Variants in USP10 observed in about 807,000 individuals in gnomAD.
The protein encoded by USP10 is ubiquitin carboxyl-terminal hydrolase 10.
Under a neutral mutation model 84.5 loss-of-function variants are expected in USP10, and 22 were observed. That is an observed-to-expected ratio of 0.26 (90% CI 0.19 to 0.37). USP10 has a LOEUF of 0.37. Among genes scored for constraint, USP10 ranks in the 10% least tolerant of loss-of-function variants. The probability of loss-of-function intolerance (pLI) is 1.00; values close to 1 mark genes in which losing one functional copy is unlikely to be tolerated. For synonymous variants in USP10, 454 were observed against 387.6 expected (o/e 1.17, Z -2.01); for missense variants, 1,019 against 998.9 (o/e 1.02, Z -0.27).
intron 1 of USP10, among the ~76,000 whole-genome samples, chr16:84,725,341 G>T (rs1423821775): frequency 1.3e-5 from 2 of 152,266 alleles, no homozygotes; most frequent in East Asian, 3.9e-4. Context: ...TGTTTTCAAA[G>T]TCATCCTGTT....
At chr16:84,705,808 C>T (rs1905420105) in intron 1 of USP10, among the ~76,000 whole-genome samples, 1 of 149,512 alleles carries the variant, frequency 6.7e-6, no homozygotes, top group African/African-American at 2.5e-5. Flanking sequence ...CAGCCTCTAC[C>T]TCCCAGATTC....
Position 84,743,763 on chromosome 16 carries a change from T to C in USP10, c.152-870T>C, listed in dbSNP as rs571590538. 1.5e-4 allele frequency among the ~76,000 whole-genome samples: 23 copies of C among 152,336 alleles called. No homozygotes were observed. In the South Asian group the frequency reaches 2.7e-3, roughly 18 times the overall value. ...GGTGTAAACTATAAAAATACGTCTG[T>C]CTTAGCAGGAATGAATTATGTGGAT... On this transcript the variant is annotated intron_variant, in intron 3 of 13. Transcript: ENST00000219473.
intron 3 of USP10, among the ~76,000 whole-genome samples, chr16:84,740,711 C>A (rs1910524618): frequency 6.6e-6 from 1 of 152,246 alleles, no homozygotes; most frequent in African/African-American, 2.4e-5. Context: ...AAGCAGCCTG[C>A]TGGCTCCAGC....
In USP10 at chr16:84,704,772, A is replaced by T. The variant is rs912991801; in HGVS notation, c.21+4661A>T. 23 of 1,535,116 alleles carry T rather than the reference A, an allele frequency of 1.5e-5. No homozygotes were observed. In the Admixed American group the frequency reaches 4.5e-4, roughly 30 times the overall value. ...GCCATGATCCCATTTTCATCAGATG[A>T]CTTGAGAACCCAGAAGCTCTACCAG... On this transcript the variant is annotated intron_variant, in intron 1 of 13. Coordinates refer to ENST00000219473, the MANE Select transcript of USP10 (RefSeq NM_005153.3).
chr16:84,741,099 A>G (rs1275266237), intron 3 of USP10, among the ~76,000 whole-genome samples: 3 of 152,226 alleles, frequency 2.0e-5, no homozygotes, highest in Non-Finnish European at 4.4e-5. Flanking sequence ...TTTGAGAGTT[A>G]GAGGTTTGGA....
At chr16:84,728,748 C>T (rs532608026) in intron 1 of USP10, among the ~76,000 whole-genome samples, 351 of 152,144 alleles carry the variant, frequency 2.3e-3, no homozygotes, top group African/African-American at 8.0e-3. Flanking sequence ...CAAAAATTAC[C>T]TTTTTTCCTC....
intron 1 of USP10, among the ~76,000 whole-genome samples, chr16:84,728,419 A>T (rs1046758580): frequency 6.6e-6 from 1 of 151,418 alleles, no homozygotes; most frequent in Non-Finnish European, 1.5e-5. Flanking sequence ...GGCTCACTGC[A>T]ACCTCTGCCT....
intron 2 of USP10, among the ~76,000 whole-genome samples, chr16:84,733,985 A>G (rs375223842): frequency 6.6e-6 from 1 of 152,236 alleles, no homozygotes; most frequent in Admixed American, 6.5e-5. Context: ...TCCAGTGCTC[A>G]GTACCACTGA....
chr16:84,742,312 G>A (rs1910716202), intron 3 of USP10, among the ~76,000 whole-genome samples: 1 of 152,184 alleles, frequency 6.6e-6, no homozygotes, highest in Non-Finnish European at 1.5e-5. Flanking sequence ...TCTGATAGAA[G>A]TTGATCACTG....
intron 1 of USP10, among the ~76,000 whole-genome samples, chr16:84,714,329 T>G (rs1906713247): frequency 6.6e-6 from 1 of 152,210 alleles, no homozygotes; most frequent in Non-Finnish European, 1.5e-5. Context: ...TCTTCCTCTT[T>G]TTTAGAGATG....
intron 4 of USP10, among the ~76,000 whole-genome samples, chr16:84,749,676 T>C (rs1911676445): frequency 6.6e-6 from 1 of 152,246 alleles, no homozygotes; most frequent in Admixed American, 6.5e-5. Flanking sequence ...CTATTTCCCC[T>C]ATTGTTAAGT....
intron 1 of USP10, among the ~76,000 whole-genome samples, chr16:84,727,823 A>T (rs1908705953): frequency 1.3e-5 from 2 of 152,250 alleles, no homozygotes; most frequent in East Asian, 3.8e-4. Flanking sequence ...TATTCTCTTA[A>T]ATAACCACAG....
chr16:84,770,656 C>T (rs1419962541), intron 11 of USP10, among the ~76,000 whole-genome samples: 1 of 151,586 alleles, frequency 6.6e-6, no homozygotes, highest in Non-Finnish European at 1.5e-5. Flanking sequence ...CCTGTAATCC[C>T]AGCTACTCAG....
At chr16:84,759,724 C>G (rs1249212972) in intron 6 of USP10, 167 bp from the exon 7 acceptor site, 6 of 746,420 alleles carry the variant, frequency 8.0e-6, no homozygotes, top group Non-Finnish European at 1.1e-5. Context: ...TTGAAATAGA[C>G]CAAAAATGCA....
chr16:84,700,013 C>A lies in USP10; in HGVS notation c.-78C>A. 7.7e-7 allele frequency: 1 copy of A among 1,295,104 alleles called. No individual in the cohort carries two copies. Among genetic ancestry groups the A allele is most frequent in the East Asian group, 5.0e-5 (1 of 19,994 alleles). 80.2% of individuals were successfully genotyped at this position (1,295,104 alleles called of 1,614,324 possible). A position where few individuals can be genotyped will look rare whatever the true frequency, so the allele number is the denominator to read the frequency against. ...GGCGGCCGATGCGAGTGTGTATGTG[C>A]GGGCGAGAAGATGGCGGCGGCGGGG... is the stretch of plus-strand genomic sequence containing the variant. On this transcript the variant is annotated 5_prime_UTR_variant, in exon 1 of 14. The change creates a premature stop within an existing upstream ORF in the 5' untranslated region. Coordinates refer to ENST00000219473, the MANE Select transcript of USP10 (RefSeq NM_005153.3).
intron 2 of USP10, among the ~76,000 whole-genome samples, chr16:84,739,010 C>T (rs376790358): frequency 1.2e-4 from 18 of 152,224 alleles, no homozygotes; most frequent in East Asian, 1.2e-3. Flanking sequence ...TTTGTTCTGC[C>T]CTCAGGTAGC....
chr16:84,735,196 G>GATATGTGTGTGT (rs1555541026), intron 2 of USP10, among the ~76,000 whole-genome samples: 20 of 146,380 alleles, frequency 1.4e-4, no homozygotes, highest in African/African-American at 4.6e-4. Flanking sequence ...AGGCCCGGGT[G>GATATGTGTGTGT]GTGTGTGTGT....
chr16:84,757,752 G>A (rs908859276), intron 4 of USP10, among the ~76,000 whole-genome samples: 9 of 152,166 alleles, frequency 5.9e-5, no homozygotes, highest in African/African-American at 2.2e-4. Flanking sequence ...AGATTATGGA[G>A]TTGAGGCCCT....
intron 1 of USP10, among the ~76,000 whole-genome samples, chr16:84,708,605 T>A (rs1905859838): frequency 6.6e-6 from 1 of 152,218 alleles, no homozygotes; most frequent in South Asian, 2.1e-4. Context: ...CACCTGAATT[T>A]TTCTCCATCT....
Sources: allele counts gnomAD v4.1 joint callset (sites outside exome capture counted in the v4.1 genomes callset), GRCh38; gene constraint gnomAD v4.1.1; transcripts MANE v1.5; gene names NCBI Gene and HGNC (gene_info 2026-07-23, HGNC 2026-07-21).